Variants in ATP13A4 observed in about 807,000 individuals in gnomAD.
ATP13A4 encodes probable cation-transporting ATPase 13A4.
A neutral mutation model predicts 142.5 loss-of-function variants in ATP13A4; 114 were observed. The observed-to-expected ratio is 0.80, with a 90% CI of 0.69 to 0.93. The LOEUF (loss-of-function observed/expected upper bound fraction) is 0.93. Among genes scored for constraint, ATP13A4 ranks in the 40% least tolerant of loss-of-function variants. ATP13A4 has a pLI of 0.00. For synonymous variants in ATP13A4, 488 were observed against 514.8 expected, an observed-to-expected ratio of 0.95 and a Z score of 0.70; for missense variants, 1,392 against 1,454.0, an observed-to-expected ratio of 0.96 and a Z score of 0.69.
chr3:193,494,325 T>C (rs558332033), intron 3 of ATP13A4, among the ~76,000 whole-genome samples: 1 of 152,062 alleles, frequency 6.6e-6, no homozygotes, highest in South Asian at 2.1e-4. Flanking sequence ...CTGCAGAATA[T>C]ACATTCTTCT....
intron 7 of ATP13A4, among the ~76,000 whole-genome samples, chr3:193,488,494 C>T (rs1719764201): frequency 6.6e-6 from 1 of 152,172 alleles, no homozygotes; most frequent in South Asian, 2.1e-4. Flanking sequence ...TTATTTTTAT[C>T]ATAGCCATAT....
chr3:193,405,612 A>G (rs547662841), intron 29 of ATP13A4, among the ~76,000 whole-genome samples: 2 of 152,180 alleles, frequency 1.3e-5, no homozygotes, highest in Admixed American at 1.3e-4. Context: ...GAAGGAGAGT[A>G]GAAGAGAAAG....
intron 1 of ATP13A4, among the ~76,000 whole-genome samples, chr3:193,586,503 A>G (rs1724674573): frequency 6.6e-6 from 1 of 152,160 alleles, no homozygotes; most frequent in Non-Finnish European, 1.5e-5. Flanking sequence ...ATTTTTGTGC[A>G]TGCTTACTAA....
At chr3:193,474,541 G>T (rs1042750597) in intron 8 of ATP13A4, among the ~76,000 whole-genome samples, 2 of 146,702 alleles carry the variant, frequency 1.4e-5, no homozygotes, top group East Asian at 3.9e-4. Flanking sequence ...TCAAGACAGA[G>T]AGAGAGAGAG....
chr3:193,507,845 G>A (rs966767953), intron 2 of ATP13A4, among the ~76,000 whole-genome samples: 2 of 152,056 alleles, frequency 1.3e-5, no homozygotes, highest in African/African-American at 4.8e-5. Flanking sequence ...AAGGAGATAG[G>A]TATTATCATC....
intron 1 of ATP13A4, chr3:193,553,109 T>C (rs1002820951): frequency 6.6e-6 from 1 of 152,206 alleles, no homozygotes; most frequent in African/African-American, 2.4e-5. Flanking sequence ...CTGAGACTAC[T>C]GGCCAAATGG....
At chr3:193,443,823 T>TA (rs1453890564) in intron 18 of ATP13A4, among the ~76,000 whole-genome samples, 2 of 152,002 alleles carry the variant, frequency 1.3e-5, no homozygotes, top group Non-Finnish European at 2.9e-5. Context: ...ACTTTAGAAT[T>TA]AAAAAATATA....
At chr3:193,467,231 T>A (rs1718344115) in intron 10 of ATP13A4, 85 bp downstream of exon 10, 1 of 1,379,728 alleles carries the variant, frequency 7.2e-7, no homozygotes, top group African/African-American at 1.5e-5. Context: ...AAAAAACAGC[T>A]TCTCTTTACC....
intron 1 of ATP13A4, among the ~76,000 whole-genome samples, chr3:193,589,529 T>C (rs182069760): frequency 4.3e-4 from 65 of 152,346 alleles, no homozygotes; most frequent in Non-Finnish European, 2.9e-5. Flanking sequence ...TGAAAATTTC[T>C]GATTCGTTGG....
intron 2 of ATP13A4, among the ~76,000 whole-genome samples, chr3:193,512,554 G>A (rs1721196725): frequency 6.6e-6 from 1 of 152,110 alleles, no homozygotes; most frequent in Admixed American, 6.5e-5. Context: ...CTCTAAATAT[G>A]GCCCCTTATA....
At chr3:193,434,864 T>A (rs1183357393) in intron 24 of ATP13A4, among the ~76,000 whole-genome samples, 1 of 152,194 alleles carries the variant, frequency 6.6e-6, no homozygotes, top group Non-Finnish European at 1.5e-5. Flanking sequence ...AGTTTTCACA[T>A]CCCTATATTC....
At chr3:193,541,905 G>A (rs953308686) in intron 1 of ATP13A4, among the ~76,000 whole-genome samples, 1 of 152,168 alleles carries the variant, frequency 6.6e-6, no homozygotes, top group Non-Finnish European at 1.5e-5. Flanking sequence ...CTGGGGATGT[G>A]TAATCCTAGA....
intron 3 of ATP13A4, among the ~76,000 whole-genome samples, chr3:193,496,805 A>C (rs1056078076): frequency 4.5e-4 from 42 of 94,328 alleles, no homozygotes; most frequent in African/African-American, 1.6e-3. Context: ...TACATAAATA[A>C]ATAAATAAAT....
intron 25 of ATP13A4, 92 bp from the exon 26 acceptor site, chr3:193,414,842 G>T: frequency 8.0e-7 from 1 of 1,250,584 alleles, no homozygotes; most frequent in Non-Finnish European, 1.2e-6. Flanking sequence ...CCATACATTT[G>T]AGGAAATGGA....
intron 3 of ATP13A4, among the ~76,000 whole-genome samples, chr3:193,496,978 T>G (rs1280993782): frequency 6.6e-6 from 1 of 151,806 alleles, no homozygotes; most frequent in Non-Finnish European, 1.5e-5. Context: ...AAAGAAAATA[T>G]AGGGGAAACG....
At chr3:193,438,253 TA>T (rs1282000044) in intron 23 of ATP13A4, among the ~76,000 whole-genome samples, 1 of 152,178 alleles carries the variant, frequency 6.6e-6, no homozygotes, top group Non-Finnish European at 1.5e-5. Flanking sequence ...CTTCTAAAAA[TA>T]ACCTAATCAG....
At chr3:193,439,104 C>CTA in intron 21 of ATP13A4, 39 bp from the exon 22 acceptor site, 1 of 1,541,840 alleles carries the variant, frequency 6.5e-7, no homozygotes, top group Non-Finnish European at 9.0e-7. Flanking sequence ...GAGATCAAAC[C>CTA]TATCTTGCTA....
chr3:193,572,222 T>C (rs11918646), intron 2 of ATP13A4, among the ~76,000 whole-genome samples: 86 of 152,250 alleles, frequency 5.6e-4, no homozygotes, highest in African/African-American at 1.9e-3. Flanking sequence ...CACTCCAATC[T>C]GGGGGACACA....
At chr3:193,544,745 T>C (rs1391936112) in intron 1 of ATP13A4, among the ~76,000 whole-genome samples, 1 of 152,184 alleles carries the variant, frequency 6.6e-6, no homozygotes, top group African/African-American at 2.4e-5. Context: ...GCCCAAAGTA[T>C]AAAATAACTG....
Sources: gnomAD v4.1 joint callset for allele counts (sites outside exome capture counted in the v4.1 genomes callset) on GRCh38, gnomAD v4.1.1 for gene constraint, MANE v1.5 for transcripts, NCBI Gene and HGNC (gene_info 2026-07-23, HGNC 2026-07-21) for gene names.